Variants in UBOX5 observed in about 807,000 individuals in gnomAD.
The protein encoded by UBOX5 is RING finger protein 37.
In UBOX5, 28 loss-of-function variants were observed where a neutral mutation model predicts 39.0. The ratio of observed to expected loss-of-function variants is 0.72; its 90% CI spans 0.53 to 0.98. UBOX5 has a LOEUF of 0.98. UBOX5 is among the 50% of genes least tolerant of loss of function. The pLI is 0.00. For synonymous variants in UBOX5, 283 were observed against 275.5 expected (o/e 1.03, Z -0.27); for missense variants, 585 against 674.4 (o/e 0.87, Z 1.47).
rs1221997881 is a variant in UBOX5, at chr20:3,122,549, G to T, written c.90C>A (p.Ile30=). The change falls in exon 3 of 5, where the codon ATC becomes ATA. Residue 30 remains isoleucine, a synonymous_variant. Transcript: ENST00000217173. ...SADGYEVENL[I]SEDLTKRSHG... ...GACTTCTCTTTGTGAGATCTTCAGA[G>T]ATGAGATTTTCTACTTCGTAACCAT... 6.2e-7 allele frequency: 1 copy of T among 1,600,124 alleles called. No individual in the cohort carries two copies. The highest frequency in any genetic ancestry group is 8.5e-7 in the Non-Finnish European group (1 of 1,171,364).
At chr20:3,132,029 A>AAT (rs1568475057) in intron 1 of UBOX5, among the ~76,000 whole-genome samples, 1 of 119,212 alleles carries the variant, frequency 8.4e-6, no homozygotes. Context: ...AAAAAAAAAA[A>AAT]CTGGGCGTGG....
chr20:3,115,496 C>G, intron 3 of UBOX5, 30 bp from the exon 4 acceptor site: 1 of 1,577,940 alleles, frequency 6.3e-7, no homozygotes, highest in African/African-American at 1.4e-5. Flanking sequence ...GCACAACATC[C>G]AGAGACAGGC....
chr20:3,151,241 G>C, intron 1 of UBOX5, among the ~76,000 whole-genome samples: 1 of 152,142 alleles, frequency 6.6e-6, no homozygotes, highest in East Asian at 1.9e-4. Context: ...TCAATCTGTG[G>C]TTCAGATCAA....
chr20:3,141,108 G>A (rs1045653434), intron 1 of UBOX5, among the ~76,000 whole-genome samples: 4 of 151,272 alleles, frequency 2.6e-5, no homozygotes, highest in East Asian at 3.9e-4. Context: ...CAGTAGAGAC[G>A]GGGTTTCAAC....
Position 3,148,802 on chromosome 20 carries a change from G to T in UBOX5, c.-42+10964C>A, listed in dbSNP as rs1384310625. 5.0e-6 allele frequency: 8 copies of T among 1,614,126 alleles called. No individual in the cohort carries two copies. Among genetic ancestry groups the T allele is most frequent in the Non-Finnish European group, 6.8e-6 (8 of 1,180,042 alleles). On this transcript the variant is annotated intron_variant, in intron 1 of 4. Coordinates refer to ENST00000217173, the MANE Select transcript of UBOX5 (RefSeq NM_014948.4). ...GGCCCTGGGTGAGCCCAGCTGCAAT[G>T]TACTGGCCTTAGAGGAAGAAGTCTT...
chr20:3,128,718 T>A (rs141606496), intron 1 of UBOX5, among the ~76,000 whole-genome samples: 1,592 of 152,156 alleles, frequency 0.01, 31 homozygotes, highest in African/African-American at 0.036. Flanking sequence ...AAAAGATTAG[T>A]TAGGTGTGGT....
At chr20:3,144,310 T>C (rs748072930) in intron 1 of UBOX5, among the ~76,000 whole-genome samples, 15 of 152,130 alleles carry the variant, frequency 9.9e-5, no homozygotes, top group Non-Finnish European at 1.8e-4. Flanking sequence ...GGAATAGAAA[T>C]GAAAATCCAT....
At chr20:3,141,999 T>C (rs943864082) in intron 1 of UBOX5, among the ~76,000 whole-genome samples, 1 of 150,460 alleles carries the variant, frequency 6.6e-6, no homozygotes, top group African/African-American at 2.5e-5. Flanking sequence ...GGCAACAGAG[T>C]GAGACCCTTT....
chr20:3,133,832 A>G (rs6051596), intron 1 of UBOX5, among the ~76,000 whole-genome samples: 92,993 of 151,228 alleles, frequency 0.61, 30,261 homozygotes, highest in African/African-American at 0.84. Context: ...CTGCAACCTC[A>G]ACTTCCAGGG....
chr20:3,109,781 G>T lies in UBOX5; in HGVS notation c.*325C>A, dbSNP rs758342127. ...CCACCCACAGTGCCCTGCTGGACAG[G>T]GGGGTATGCGGACTGCACGGGGGGG... On this transcript the variant is annotated 3_prime_UTR_variant, in exon 5 of 5. Coordinates refer to ENST00000217173, the MANE Select transcript of UBOX5 (RefSeq NM_014948.4). 5.2e-6 allele frequency: 2 copies of T among 381,544 alleles called. No homozygotes were observed. Among genetic ancestry groups the T allele is most frequent in the African/African-American group, 2.1e-5 (1 of 48,474 alleles). The allele number at this position is 381,544 out of a possible 1,614,324, so 23.6% of individuals were successfully genotyped here.
At chr20:3,138,310 A>C (rs1447222769) in intron 1 of UBOX5, among the ~76,000 whole-genome samples, 1 of 152,036 alleles carries the variant, frequency 6.6e-6, no homozygotes, top group Non-Finnish European at 1.5e-5. Flanking sequence ...AAGTATTATG[A>C]TCATACATTT....
At chr20:3,147,417 C>G in intron 1 of UBOX5, 1 of 1,614,194 alleles carries the variant, frequency 6.2e-7, no homozygotes, top group Non-Finnish European at 8.5e-7. Flanking sequence ...GAATTCATAT[C>G]CTTCTCTGCT....
chr20:3,121,134 G>A (rs1362380875), intron 3 of UBOX5, among the ~76,000 whole-genome samples: 4 of 152,288 alleles, frequency 2.6e-5, no homozygotes, highest in East Asian at 1.9e-4. Flanking sequence ...ACAGAGGAGC[G>A]AAACACGCAG....
chr20:3,119,528 T>A (rs2066318379), intron 3 of UBOX5, among the ~76,000 whole-genome samples: 1 of 152,184 alleles, frequency 6.6e-6, no homozygotes, highest in Non-Finnish European at 1.5e-5. Context: ...TACCTAGCAA[T>A]AGATAACCAA....
At chr20:3,146,818 C>A (rs1302580594) in intron 1 of UBOX5, 2 of 1,613,968 alleles carry the variant, frequency 1.2e-6, no homozygotes, top group Admixed American at 3.3e-5. Flanking sequence ...GAAACGCCAA[C>A]TTTTCTAAGC....
intron 4 of UBOX5, among the ~76,000 whole-genome samples, chr20:3,111,086 A>G (rs533100229): frequency 6.6e-6 from 1 of 151,548 alleles, no homozygotes; most frequent in South Asian, 2.1e-4. Context: ...TTCTTCCGCA[A>G]CTCCTTCAGG....
At chr20:3,129,895 C>T (rs57648835) in intron 1 of UBOX5, among the ~76,000 whole-genome samples, 34 of 152,246 alleles carry the variant, frequency 2.2e-4, no homozygotes, top group African/African-American at 7.2e-4. Context: ...TATAATAGAG[C>T]ATAATATGTA....
At chr20:3,130,727 T>C (rs1348951987) in intron 1 of UBOX5, among the ~76,000 whole-genome samples, 3 of 152,138 alleles carry the variant, frequency 2.0e-5, no homozygotes, top group Non-Finnish European at 4.4e-5. Context: ...TTACTATATG[T>C]TCAGCTGTCT....
At chr20:3,136,538 A>G (rs902708466) in intron 1 of UBOX5, among the ~76,000 whole-genome samples, 10 of 151,426 alleles carry the variant, frequency 6.6e-5, no homozygotes, top group African/African-American at 2.4e-4. Flanking sequence ...CATTTTTAGT[A>G]GAAATGGGAT....
Sources: gnomAD v4.1 joint callset for allele counts (sites outside exome capture counted in the v4.1 genomes callset) on GRCh38, gnomAD v4.1.1 for gene constraint, MANE v1.5 for transcripts, NCBI Gene and HGNC (gene_info 2026-07-23, HGNC 2026-07-21) for gene names.